Variants in DLC1 observed in about 807,000 individuals in gnomAD.
DLC1 encodes the protein rho GTPase-activating protein 7.
Under a neutral mutation model 140.3 loss-of-function variants are expected in DLC1, and 54 were observed. The observed-to-expected ratio is 0.38, with a 90% CI of 0.31 to 0.48. DLC1 has a LOEUF of 0.48. DLC1 is among the 20% of genes least tolerant of loss of function. The pLI, the probability that DLC1 is intolerant of heterozygous loss-of-function variation, is 0.96. For synonymous variants in DLC1, 986 were observed against 728.1 expected, an observed-to-expected ratio of 1.35 and a Z score of -5.70; for missense variants, 2,536 against 1,907.0, an observed-to-expected ratio of 1.33 and a Z score of -6.14.
At chr8:13,414,420 C>G (rs898263382) in intron 2 of DLC1, among the ~76,000 whole-genome samples, 8 of 152,164 alleles carry the variant, frequency 5.3e-5, no homozygotes, top group African/African-American at 1.7e-4. Flanking sequence ...GTGACCATCA[C>G]TCTCAATATG....
At chr8:13,334,223 G>A (rs774948557) in intron 4 of DLC1, among the ~76,000 whole-genome samples, 4 of 152,090 alleles carry the variant, frequency 2.6e-5, no homozygotes, top group Non-Finnish European at 4.4e-5. Context: ...GAGAGAAGCA[G>A]GGGGGAGTTG....
intron 5 of DLC1, among the ~76,000 whole-genome samples, chr8:13,143,284 T>C (rs1236454898): frequency 1.3e-5 from 2 of 152,208 alleles, no homozygotes; most frequent in Non-Finnish European, 2.9e-5. Context: ...CTGACCGCTG[T>C]TGTGCTCTGA....
intron 5 of DLC1, among the ~76,000 whole-genome samples, chr8:13,232,937 A>C (rs1487887482): frequency 1.3e-5 from 2 of 152,236 alleles, no homozygotes; most frequent in Non-Finnish European, 2.9e-5. Context: ...CTGACTAATC[A>C]ATAACATTTT....
At position 13,100,004 on chromosome 8, in the gene DLC1, C is replaced by T. The variant is rs1818895832; in HGVS notation, c.2333G>A (p.Gly778Asp). 2 of 1,612,534 alleles carry T rather than the reference C, an allele frequency of 1.2e-6. No homozygotes were observed. The highest frequency in any genetic ancestry group is 1.1e-5 in the South Asian group (1 of 91,086). ...CNKRVGMYLEGFDPFNQSTFN... is the reference protein window; with the variant it reads ...CNKRVGMYLEDFDPFNQSTFN... ...TGTTGACTGATTGAAAGGATCGAAG[C>T]CCTCTAAGTACATGCCCACCCGCTT... Residue 778 changes from glycine to aspartate, a missense_variant, in exon 9 of 18, where the codon GGC (glycine) becomes GAC (aspartate). Gly to Asp is a moderately conservative substitution (Grantham distance 94). Transcript: ENST00000276297.
At chr8:13,125,476 G>A (rs1326261852) in intron 5 of DLC1, among the ~76,000 whole-genome samples, 1 of 152,200 alleles carries the variant, frequency 6.6e-6, no homozygotes, top group Non-Finnish European at 1.5e-5. Context: ...CATGTTTACA[G>A]CAGCATGTTG....
chr8:13,139,947 T>C (rs1320366446), intron 5 of DLC1, among the ~76,000 whole-genome samples: 1 of 152,246 alleles, frequency 6.6e-6, no homozygotes, highest in Non-Finnish European at 1.5e-5. Context: ...ATGTCCAGTC[T>C]AGTAGCATTA....
chr8:13,385,226 A>G (rs1006225725), intron 4 of DLC1, among the ~76,000 whole-genome samples: 2 of 152,182 alleles, frequency 1.3e-5, no homozygotes, highest in African/African-American at 2.4e-5. Flanking sequence ...TCCTGATACA[A>G]AGATAGGACC....
chr8:13,269,020 C>T (rs572324344), intron 5 of DLC1, among the ~76,000 whole-genome samples: 5 of 151,942 alleles, frequency 3.3e-5, no homozygotes, highest in Non-Finnish European at 7.4e-5. Context: ...ACTAAAGGCA[C>T]CCGCCACCAC....
rs955083088 is a variant in DLC1 at position 13,194,121 on chromosome 8, G to A, written c.1349-78464C>T. Among the ~76,000 whole-genome samples the A allele has an allele frequency of 5.9e-5, 9 of 152,286 alleles. 1 individual carries two copies. Among genetic ancestry groups the A allele is most frequent in the Admixed American group, 2.6e-4 (4 of 15,298 alleles). ...CTGCATTCGCTACCCACAGAGAAAT[G>A]AGCACTTAATCTTCTAGGAAGAAAA... On this transcript the variant is annotated intron_variant, in intron 5 of 17. Coordinates refer to ENST00000276297, the MANE Select transcript of DLC1 (RefSeq NM_182643.3).
intron 4 of DLC1, among the ~76,000 whole-genome samples, chr8:13,317,896 G>C (rs1204819356): frequency 6.6e-6 from 1 of 152,170 alleles, no homozygotes; most frequent in Admixed American, 6.5e-5. Flanking sequence ...GTGATGGTAA[G>C]TTGCTTCTGT....
chr8:13,154,341 T>G (rs1429608834), intron 5 of DLC1, among the ~76,000 whole-genome samples: 1 of 152,190 alleles, frequency 6.6e-6, no homozygotes, highest in Non-Finnish European at 1.5e-5. Flanking sequence ...AGCCCTGCCC[T>G]GCTGGGAGGT....
chr8:13,438,956 T>G (rs928553133), intron 2 of DLC1, among the ~76,000 whole-genome samples: 1 of 152,226 alleles, frequency 6.6e-6, no homozygotes, highest in South Asian at 2.1e-4. Context: ...TTAGCTCTGC[T>G]GTTACGGTGC....
intron 4 of DLC1, among the ~76,000 whole-genome samples, chr8:13,366,630 T>C (rs1729176): frequency 0.5 from 76,222 of 152,024 alleles, 20,169 homozygotes; most frequent in East Asian, 0.83. Context: ...AATTTAGAAA[T>C]CTGCTTGGTT....
At chr8:13,405,085 T>A (rs1837465889) in intron 2 of DLC1, among the ~76,000 whole-genome samples, 1 of 152,100 alleles carries the variant, frequency 6.6e-6, no homozygotes, top group African/African-American at 2.4e-5. Context: ...GCTCTCGTCC[T>A]TGCTCTATTT....
chr8:13,160,611 C>T (rs1824616826), intron 5 of DLC1, among the ~76,000 whole-genome samples: 2 of 152,206 alleles, frequency 1.3e-5, no homozygotes, highest in Non-Finnish European at 1.5e-5. Context: ...TCTTACCTGG[C>T]ATAGGTTAAA....
intron 5 of DLC1, among the ~76,000 whole-genome samples, chr8:13,156,100 C>T (rs958950908): frequency 6.6e-6 from 1 of 152,112 alleles, no homozygotes; most frequent in Non-Finnish European, 1.5e-5. Context: ...ACCCATCAAA[C>T]CAGCAAAGAT....
chr8:13,366,558 G>C (rs1405461473), intron 4 of DLC1, among the ~76,000 whole-genome samples: 1 of 152,184 alleles, frequency 6.6e-6, no homozygotes, highest in Non-Finnish European at 1.5e-5. Flanking sequence ...GAACCCAGAG[G>C]TCTTGACTTA....
intron 3 of DLC1, among the ~76,000 whole-genome samples, chr8:13,396,943 C>G (rs553466252): frequency 1.3e-5 from 2 of 152,046 alleles, no homozygotes; most frequent in Non-Finnish European, 2.9e-5. Flanking sequence ...GTTACCCGCC[C>G]CCCCCAACCC....
At chr8:13,454,325 A>C (rs1486970828) in intron 2 of DLC1, among the ~76,000 whole-genome samples, 2 of 152,116 alleles carry the variant, frequency 1.3e-5, no homozygotes. Flanking sequence ...TGGTTGAAAC[A>C]TCTCTTAGGG....
Sources: gnomAD v4.1 joint callset for allele counts (sites outside exome capture counted in the v4.1 genomes callset) on GRCh38, gnomAD v4.1.1 for gene constraint, MANE v1.5 for transcripts, NCBI Gene and HGNC (gene_info 2026-07-23, HGNC 2026-07-21) for gene names.